The following ASH1L variants were observed in gnomAD, a reference collection of about 807,000 sequenced individuals.
The protein encoded by ASH1L is ASH1 like histone lysine methyltransferase, also known as histone-lysine N-methyltransferase ASH1L.
In ASH1L, 23 loss-of-function variants were observed where a neutral mutation model predicts 269.0. That is an observed-to-expected ratio of 0.09 (90% CI 0.06 to 0.12). The LOEUF is 0.12. Ranked by LOEUF, ASH1L falls within the 10% of genes least tolerant of loss-of-function variation. The probability of loss-of-function intolerance (pLI) is 1.00; values close to 1 mark genes in which losing one functional copy is unlikely to be tolerated. For missense variants in ASH1L, 2,912 were observed against 3,567.8 expected (o/e 0.82, Z 4.68); for synonymous variants, 1,187 against 1,253.5 (o/e 0.95, Z 1.12).
At chr1:155,520,576 A>G (rs1416402995) in intron 2 of ASH1L, among the ~76,000 whole-genome samples, 1 of 151,820 alleles carries the variant, frequency 6.6e-6, no homozygotes, top group Non-Finnish European at 1.5e-5. Context: ...AAAACTGCAT[A>G]AATAGGCCAG....
intron 1 of ASH1L, among the ~76,000 whole-genome samples, chr1:155,529,161 T>TA (rs1356244307): frequency 6.6e-6 from 1 of 152,190 alleles, no homozygotes; most frequent in East Asian, 1.9e-4. Context: ...GCAATGAAGA[T>TA]ACGCATGCAT....
intron 5 of ASH1L, among the ~76,000 whole-genome samples, chr1:155,421,317 GTTTTTTTTT>G (rs11442413): frequency 2.3e-5 from 2 of 85,866 alleles, no homozygotes; most frequent in African/African-American, 4.3e-5. Flanking sequence ...AGTACCAACA[GTTTTTTTTT>G]TTTTTTTTTT....
chr1:155,431,974 T>G (rs916180072), intron 5 of ASH1L, among the ~76,000 whole-genome samples: 2 of 152,208 alleles, frequency 1.3e-5, no homozygotes, highest in Admixed American at 1.3e-4. Flanking sequence ...TTTTTCTTTT[T>G]AAAACCAGGA....
At chr1:155,426,792 C>T (rs1169964981) in intron 5 of ASH1L, among the ~76,000 whole-genome samples, 1 of 152,118 alleles carries the variant, frequency 6.6e-6, no homozygotes, top group Non-Finnish European at 1.5e-5. Context: ...TTTTTCTAGG[C>T]TACACAGTTC....
chr1:155,405,655 C>T (rs1364552748), intron 6 of ASH1L, among the ~76,000 whole-genome samples: 2 of 151,684 alleles, frequency 1.3e-5, no homozygotes, highest in South Asian at 2.1e-4. Flanking sequence ...CATGATGAAA[C>T]CCTGTCTCTA....
chr1:155,559,819 T>C (rs980431329), intron 1 of ASH1L, among the ~76,000 whole-genome samples: 2 of 152,152 alleles, frequency 1.3e-5, no homozygotes, highest in African/African-American at 4.8e-5. Context: ...ATTAACTCAG[T>C]GTTTGTTATA....
In ASH1L at chr1:155,494,296, T is replaced by C. The variant is rs562193460; in HGVS notation, c.421-11847A>G. Among the ~76,000 whole-genome samples the C allele has an allele frequency of 3.9e-5, 6 of 152,306 alleles. No homozygotes were observed. The South Asian group carries it at 1.2e-3, about 32-fold the overall frequency. On this transcript the variant is annotated intron_variant, in intron 2 of 27. Coordinates refer to ENST00000392403, the MANE Select transcript of ASH1L (RefSeq NM_018489.3). The stretch of plus-strand genomic sequence containing the variant: ...AACAATAAAGAATCCATGTTTGCAG[T>C]ACTAGAGTAAGCAAGAGAAGAGTAA...
intron 7 of ASH1L, among the ~76,000 whole-genome samples, chr1:155,382,614 G>C (rs1657079487): frequency 6.6e-6 from 1 of 152,302 alleles, no homozygotes; most frequent in South Asian, 2.1e-4. Context: ...ACAGCTCCAT[G>C]AGTGTTACTG....
chr1:155,551,659 CAAA>C (rs936454643), intron 1 of ASH1L, among the ~76,000 whole-genome samples: 14 of 49,208 alleles, frequency 2.8e-4, no homozygotes, highest in Middle Eastern at 0.016. Context: ...GACTCCGTCT[CAAA>C]AAAAAAAAAA....
intron 6 of ASH1L, among the ~76,000 whole-genome samples, chr1:155,405,319 C>T (rs1659187608): frequency 6.6e-6 from 1 of 151,376 alleles, no homozygotes; most frequent in Non-Finnish European, 1.5e-5. Context: ...CCTGTCTCTA[C>T]AAAAATATAA....
At chr1:155,388,278 C>T (rs1657609177) in intron 7 of ASH1L, among the ~76,000 whole-genome samples, 1 of 152,024 alleles carries the variant, frequency 6.6e-6, no homozygotes, top group African/African-American at 2.4e-5. Flanking sequence ...ACAACTGTAC[C>T]AGTGACCTTT....
intron 12 of ASH1L, among the ~76,000 whole-genome samples, chr1:155,363,354 C>A (rs562297421): frequency 6.6e-6 from 1 of 152,222 alleles, no homozygotes; most frequent in African/African-American, 2.4e-5. Context: ...CAGCTCCCTG[C>A]AACCTCTGCC....
rs1183914821 is a variant in ASH1L at position 155,415,748 on chromosome 1, T to C, written c.6004A>G (p.Thr2002Ala). The C allele has an allele frequency of 1.2e-6, 2 of 1,613,870 alleles. No individual in the cohort carries two copies. Among genetic ancestry groups the C allele is most frequent in the Non-Finnish European group, 1.7e-6 (2 of 1,179,904 alleles). ...AGLYSDVYKT[T>A]DPKSRLIQLK... ...CTAATAGGTACTACTACTTACTCTGTAGTTTTGTAAACGTCAGAATACAGC... is the reference window on the plus strand; with the variant it reads ...CTAATAGGTACTACTACTTACTCTGCAGTTTTGTAAACGTCAGAATACAGC... Residue 2002 changes from threonine (T) to alanine (A), a missense_variant, in exon 6 of 28, where the codon ACA becomes GCA. By Grantham distance (58) the Thr-to-Ala change is moderately conservative. This residue lies in a region of ASH1L where 193 missense variants were observed against 311.6 expected (regional missense o/e 0.62). Coordinates refer to ENST00000392403, the MANE Select transcript of ASH1L (RefSeq NM_018489.3).
intron 1 of ASH1L, among the ~76,000 whole-genome samples, chr1:155,538,338 T>A (rs972903207): frequency 1.4e-5 from 2 of 148,130 alleles, no homozygotes; most frequent in Admixed American, 6.8e-5. Flanking sequence ...CTATGGCACC[T>A]GGCGTTTTTT....
intron 2 of ASH1L, among the ~76,000 whole-genome samples, chr1:155,506,243 GA>G (rs992719958): frequency 5.9e-5 from 9 of 151,920 alleles, no homozygotes; most frequent in Admixed American, 1.3e-4. Context: ...AAATACAAAG[GA>G]AAAAAATCCA....
At chr1:155,465,773 G>T (rs368356997) in intron 3 of ASH1L, among the ~76,000 whole-genome samples, 1 of 152,164 alleles carries the variant, frequency 6.6e-6, no homozygotes, top group East Asian at 1.9e-4. Flanking sequence ...GGCTACCATA[G>T]TAAAGGAATA....
intron 1 of ASH1L, among the ~76,000 whole-genome samples, chr1:155,525,842 C>T (rs959516302): frequency 5.3e-5 from 8 of 151,870 alleles, no homozygotes; most frequent in South Asian, 2.1e-4. Context: ...CAAAATCTGA[C>T]GATGCTCAAG....
At chr1:155,471,454 C>CCTAATGATCTAAT (rs1159932070) in intron 3 of ASH1L, among the ~76,000 whole-genome samples, 1 of 152,170 alleles carries the variant, frequency 6.6e-6, no homozygotes, top group Non-Finnish European at 1.5e-5. Context: ...AAAAACATGG[C>CCTAATGATCTAAT]CAATGATCTA....
At chr1:155,493,622 C>CT (rs975572251) in intron 2 of ASH1L, among the ~76,000 whole-genome samples, 2 of 152,138 alleles carry the variant, frequency 1.3e-5, no homozygotes, top group Admixed American at 1.3e-4. Flanking sequence ...AATCCCAACA[C>CT]TTTGGGAGGC....
Sources: gnomAD v4.1 joint callset for allele counts (sites outside exome capture counted in the v4.1 genomes callset) on GRCh38, gnomAD v4.1.1 for gene constraint, gnomAD v4.1.1 regional missense constraint, MANE v1.5 for transcripts, NCBI Gene and HGNC (gene_info 2026-07-23, HGNC 2026-07-21) for gene names.